Variants in ANXA4 observed in about 807,000 individuals in gnomAD.
ANXA4 encodes the protein annexin A4, also known as 35-beta calcimedin.
Under a neutral mutation model 49.8 loss-of-function variants are expected in ANXA4, and 39 were observed. The observed-to-expected ratio is 0.78, with a 90% confidence interval of 0.61 to 1.02. ANXA4 has a LOEUF of 1.02. Ranked by LOEUF, ANXA4 falls within the 50% of genes least tolerant of loss-of-function variation. The pLI, the probability that ANXA4 is intolerant of heterozygous loss-of-function variation, is 0.00. For synonymous variants in ANXA4, 134 were observed against 152.5 expected, an observed-to-expected ratio of 0.88 and a Z score of 0.89; for missense variants, 360 against 410.1, an observed-to-expected ratio of 0.88 and a Z score of 1.05.
At chr2:69,686,174 C>CTTGTT (rs56703980) in intron 2 of ANXA4, among the ~76,000 whole-genome samples, 2,676 of 151,718 alleles carry the variant, frequency 0.018, 79 homozygotes, top group African/African-American at 0.058. Flanking sequence ...GAGACAGGGT[C>CTTGTT]TTGTTTTGTT....
intron 5 of ANXA4, among the ~76,000 whole-genome samples, 192 bp from the exon 6 acceptor site, chr2:69,807,714 T>C (rs577313852): frequency 2.6e-5 from 4 of 152,334 alleles, no homozygotes; most frequent in Non-Finnish European, 5.9e-5. Context: ...GAAATGTTTG[T>C]TATTACTCAT....
At chr2:69,799,587 A>C (rs1436935632) in intron 3 of ANXA4, among the ~76,000 whole-genome samples, 1 of 152,144 alleles carries the variant, frequency 6.6e-6, no homozygotes, top group Non-Finnish European at 1.5e-5. Context: ...CTACCTAAAT[A>C]ATTTCTTTTT....
chr2:69,723,662 C>T (rs974436996), intron 3 of ANXA4, among the ~76,000 whole-genome samples: 13 of 152,196 alleles, frequency 8.5e-5, no homozygotes, highest in Non-Finnish European at 1.5e-4. Context: ...CTTTGGATGT[C>T]CAATCCCACA....
intron 2 of ANXA4, among the ~76,000 whole-genome samples, chr2:69,786,236 A>G (rs927681615): frequency 1.3e-5 from 2 of 152,122 alleles, no homozygotes; most frequent in Admixed American, 6.5e-5. Context: ...GTTATACTTG[A>G]TTCTTTTCTT....
chr2:69,689,511 T>C (rs1677894094), intron 2 of ANXA4, among the ~76,000 whole-genome samples: 1 of 152,222 alleles, frequency 6.6e-6, no homozygotes, highest in South Asian at 2.1e-4. Flanking sequence ...CTTATTTGCT[T>C]TATTTCACAA....
At chr2:69,687,081 C>G (rs1420634946) in intron 2 of ANXA4, among the ~76,000 whole-genome samples, 1 of 152,154 alleles carries the variant, frequency 6.6e-6, no homozygotes, top group Non-Finnish European at 1.5e-5. Flanking sequence ...CTTGCATGAG[C>G]GGTGAGATGA....
rs578063038 is a variant in ANXA4, at chr2:69,826,331, C to T, written c.*816C>T. ...TGAATTTAGTATGATATAAAGAAAA[C>T]TTTTTTGTGCTAAAAATACTTTTTA... is the stretch of plus-strand genomic sequence containing the variant. On this transcript the variant is annotated 3_prime_UTR_variant, in exon 13 of 13. Transcript: ENST00000394295. 3.9e-5 allele frequency: 6 copies of T among 152,610 alleles called. No homozygotes were observed. The South Asian group carries it at 1.2e-3, about 32-fold the overall frequency. The allele number at this position is 152,610 out of a possible 1,614,324, so 9.5% of individuals were successfully genotyped here. A position where few individuals can be genotyped will look rare whatever the true frequency, so the allele number is the denominator to read the frequency against.
At chr2:69,824,001 C>T (rs1674353056) in intron 12 of ANXA4, among the ~76,000 whole-genome samples, 1 of 151,630 alleles carries the variant, frequency 6.6e-6, no homozygotes, top group African/African-American at 2.4e-5. Context: ...ATCACTTGAG[C>T]CCAGGAGTTC....
intron 3 of ANXA4, among the ~76,000 whole-genome samples, chr2:69,726,013 T>C (rs375326005): frequency 1.3e-5 from 2 of 152,226 alleles, no homozygotes; most frequent in East Asian, 3.8e-4. Flanking sequence ...ATTGTGTATT[T>C]TGAAAATAAT....
At chr2:69,680,899 G>A (rs935228476) in intron 2 of ANXA4, among the ~76,000 whole-genome samples, 15 of 152,112 alleles carry the variant, frequency 9.9e-5, no homozygotes, top group Non-Finnish European at 1.5e-5. Context: ...GTTGGATTCA[G>A]TTTGCTAGTA....
intron 2 of ANXA4, among the ~76,000 whole-genome samples, chr2:69,662,395 C>T (rs1676755198): frequency 6.6e-6 from 1 of 151,992 alleles, no homozygotes; most frequent in African/African-American, 2.4e-5. Flanking sequence ...GTCACTAGGG[C>T]CAGTCTAGAT....
chr2:69,808,249 A>G (rs1673534348), intron 6 of ANXA4: 2 of 414,944 alleles, frequency 4.8e-6, no homozygotes, highest in Admixed American at 7.8e-5. Context: ...TAAAAGTTGG[A>G]AAGTTGTTCC....
intron 3 of ANXA4, among the ~76,000 whole-genome samples, chr2:69,798,890 T>G (rs964100121): frequency 4.6e-5 from 7 of 152,174 alleles, no homozygotes; most frequent in Admixed American, 1.3e-4. Flanking sequence ...GACCAGATAT[T>G]GAGGTCAAGG....
rs549669460 is a variant in ANXA4, at chr2:69,770,721, G to A, written c.-46-10799G>A. Among the ~76,000 whole-genome samples the A allele has an allele frequency of 4.1e-4, 62 of 152,124 alleles. No individual in the cohort carries two copies. In the Middle Eastern group the frequency reaches 0.024, roughly 58 times the overall value. On this transcript the variant is annotated intron_variant, in intron 1 of 12. Coordinates refer to ENST00000394295, the MANE Select transcript of ANXA4 (RefSeq NM_001153.5). ...TTCACCAGGCTCATTAAACCTGTAC[G>A]CACACACACATGCAAACACACACGT...
intron 1 of ANXA4, among the ~76,000 whole-genome samples, chr2:69,780,128 TG>T (rs35865976): frequency 0.055 from 8,400 of 152,254 alleles, 708 homozygotes; most frequent in Admixed American, 0.21. Context: ...GGCAAATGTT[TG>T]GGGAATCTTG....
chr2:69,725,208 G>C (rs1364844326), intron 3 of ANXA4, among the ~76,000 whole-genome samples: 2 of 151,934 alleles, frequency 1.3e-5, no homozygotes, highest in African/African-American at 4.8e-5. Context: ...GTGACATATA[G>C]CTATTTACAG....
At chr2:69,748,589 T>G (rs1243149742) in intron 1 of ANXA4, among the ~76,000 whole-genome samples, 1 of 151,444 alleles carries the variant, frequency 6.6e-6, no homozygotes, top group Non-Finnish European at 1.5e-5. Context: ...CACATTAATT[T>G]TATATTAATA....
chr2:69,803,724 A>T (rs1341616099), intron 3 of ANXA4, among the ~76,000 whole-genome samples: 1 of 152,192 alleles, frequency 6.6e-6, no homozygotes, highest in Admixed American at 6.6e-5. Context: ...CAAATTGGTG[A>T]ATTAACAGAC....
In ANXA4 at chr2:69,816,201, C is replaced by A. The variant is rs1558525076; in HGVS notation, c.628+7C>A. On this transcript the variant is annotated splice_region_variant and intron_variant, in intron 9 of 12. Coordinates refer to ENST00000394295, the MANE Select transcript of ANXA4 (RefSeq NM_001153.5). ...CGAAATCACCTGTTGCATGGTAAGGCACTTACTTCATTTCCCAAAGAAAAG... is the reference window on the plus strand; with the variant it reads ...CGAAATCACCTGTTGCATGGTAAGGAACTTACTTCATTTCCCAAAGAAAAG... The A allele has an allele frequency of 6.2e-7, 1 of 1,612,346 alleles. No individual in the cohort carries two copies. The highest frequency in any genetic ancestry group is 8.5e-7 in the Non-Finnish European group (1 of 1,178,386).
Sources: allele counts gnomAD v4.1 joint callset (sites outside exome capture counted in the v4.1 genomes callset), GRCh38; gene constraint gnomAD v4.1.1; transcripts MANE v1.5; gene names NCBI Gene and HGNC (gene_info 2026-07-23, HGNC 2026-07-21).